GPHN: variants seen among roughly 807,000 people sequenced by gnomAD.
GPHN encodes the protein gephyrin.
Under a neutral mutation model 95.5 loss-of-function variants are expected in GPHN, and 17 were observed. The ratio of observed to expected loss-of-function variants is 0.18; its 90% CI spans 0.12 to 0.27. The LOEUF is 0.27. Ranked by LOEUF, GPHN falls within the 10% of genes least tolerant of loss-of-function variation. The probability of loss-of-function intolerance (pLI) is 1.00; values close to 1 mark genes in which losing one functional copy is unlikely to be tolerated. For missense variants in GPHN, 660 were observed against 978.1 expected (o/e 0.67, Z 4.34); for synonymous variants, 320 against 322.5 (o/e 0.99, Z 0.08).
chr14:66,604,036 C>G (rs1348553512), intron 1 of GPHN, among the ~76,000 whole-genome samples: 1 of 152,070 alleles, frequency 6.6e-6, no homozygotes, highest in Non-Finnish European at 1.5e-5. Flanking sequence ...ATTAGCCTAT[C>G]AGAGTAAGCA....
the GPHN span, among the ~76,000 whole-genome samples, chr14:67,577,648 A>G: frequency 1.3e-5 from 2 of 152,188 alleles, no homozygotes; most frequent in Non-Finnish European, 2.9e-5. Flanking sequence ...CTCTCCCTGG[A>G]GGAGCTCCCC....
intron 4 of GPHN, among the ~76,000 whole-genome samples, chr14:66,866,316 C>T (rs111721013): frequency 0.016 from 2,381 of 151,912 alleles, 33 homozygotes; most frequent in Non-Finnish European, 0.018. Flanking sequence ...CTACCATTAA[C>T]GAATACATAC....
At chr14:67,679,690 C>T in the GPHN span, among the ~76,000 whole-genome samples, 2 of 152,172 alleles carry the variant, frequency 1.3e-5, no homozygotes, top group East Asian at 3.8e-4. Flanking sequence ...AGGCATGAGC[C>T]ACTGCACCCA....
At chr14:66,624,699 T>C (rs899717228) in intron 1 of GPHN, among the ~76,000 whole-genome samples, 27 of 152,188 alleles carry the variant, frequency 1.8e-4, no homozygotes, top group Admixed American at 7.2e-4. Flanking sequence ...GGAGGATTTT[T>C]ACATTTTTTA....
At chr14:67,335,752 G>C in the GPHN span, 1 of 152,636 alleles carries the variant, frequency 6.6e-6, no homozygotes, top group African/African-American at 2.4e-5. Context: ...CTGTTATTTT[G>C]AGATGTCATA....
intron 3 of GPHN, among the ~76,000 whole-genome samples, chr14:66,781,429 C>T (rs1320145258): frequency 6.6e-6 from 1 of 152,064 alleles, no homozygotes; most frequent in Non-Finnish European, 1.5e-5. Flanking sequence ...GTGGGCCAGG[C>T]TGGTCTCGAA....
At chr14:66,529,763 C>T (rs1392487849) in intron 1 of GPHN, among the ~76,000 whole-genome samples, 2 of 152,166 alleles carry the variant, frequency 1.3e-5, no homozygotes, top group Non-Finnish European at 2.9e-5. Flanking sequence ...GAGGTCCACT[C>T]CAGACCCTCT....
At chr14:66,901,101 T>C (rs925994932) in intron 5 of GPHN, among the ~76,000 whole-genome samples, 1 of 152,116 alleles carries the variant, frequency 6.6e-6, no homozygotes, top group Non-Finnish European at 1.5e-5. Context: ...AGTAAAATGA[T>C]ATCTAATTGT....
intron 8 of GPHN, among the ~76,000 whole-genome samples, chr14:66,947,546 A>G (rs746917890): frequency 6.6e-6 from 1 of 152,236 alleles, no homozygotes; most frequent in Non-Finnish European, 1.5e-5. Flanking sequence ...TTTGGTAAAT[A>G]TATCCCATGA....
chr14:67,244,911 T>C, the GPHN span, among the ~76,000 whole-genome samples: 1 of 152,122 alleles, frequency 6.6e-6, no homozygotes, highest in Non-Finnish European at 1.5e-5. Flanking sequence ...GTGGTCCCAG[T>C]GTATCACAGA....
intron 5 of GPHN, among the ~76,000 whole-genome samples, chr14:66,896,291 C>T (rs563207242): frequency 6.6e-6 from 1 of 152,118 alleles, no homozygotes; most frequent in South Asian, 2.1e-4. Context: ...TTCTTGAAAA[C>T]AGCATGTAAT....
chr14:67,639,909 C>T, the GPHN span, among the ~76,000 whole-genome samples: 5 of 125,150 alleles, frequency 4.0e-5, no homozygotes, highest in Non-Finnish European at 7.9e-5. Flanking sequence ...TGCATGATAG[C>T]GCAAGACCCT....
the GPHN span, chr14:67,387,078 T>A: frequency 6.3e-6 from 2 of 319,104 alleles, no homozygotes; most frequent in Non-Finnish European, 1.1e-5. Flanking sequence ...AATGGCTGTT[T>A]GTGATGCTGG....
chr14:66,961,504 A>G (rs867974481), intron 8 of GPHN, among the ~76,000 whole-genome samples: 5 of 151,956 alleles, frequency 3.3e-5, no homozygotes, highest in African/African-American at 9.7e-5. Flanking sequence ...AGATATTCAC[A>G]CTAGATACAA....
the GPHN span, chr14:67,587,288 T>C: frequency 1.3e-6 from 2 of 1,598,942 alleles, no homozygotes; most frequent in South Asian, 2.2e-5. Context: ...GATTTAGAGA[T>C]ATATATCCTA....
chr14:67,470,043 T>A, the GPHN span, among the ~76,000 whole-genome samples: 2 of 152,152 alleles, frequency 1.3e-5, no homozygotes, highest in African/African-American at 4.8e-5. Context: ...TTATGCCACC[T>A]GAGAATTGGG....
chr14:67,635,074 G>A, the GPHN span, among the ~76,000 whole-genome samples: 1 of 151,388 alleles, frequency 6.6e-6, no homozygotes, highest in African/African-American at 2.5e-5. Flanking sequence ...GCGAAATCTT[G>A]TCTCTACAAA....
At chr14:67,563,837 G>C in the GPHN span, among the ~76,000 whole-genome samples, 1 of 148,602 alleles carries the variant, frequency 6.7e-6, no homozygotes, top group Non-Finnish European at 1.5e-5. Flanking sequence ...AGGTTCAAGT[G>C]GTACTCCCAC....
intron 1 of GPHN, among the ~76,000 whole-genome samples, chr14:66,670,737 A>G (rs1427522749): frequency 6.6e-6 from 1 of 152,244 alleles, no homozygotes; most frequent in African/African-American, 2.4e-5. Context: ...GGTTGCAGTG[A>G]GCCGAGATCG....
Sources: allele counts gnomAD v4.1 joint callset (sites outside exome capture counted in the v4.1 genomes callset), GRCh38; gene constraint gnomAD v4.1.1; transcripts MANE v1.5; gene names NCBI Gene and HGNC (gene_info 2026-07-23, HGNC 2026-07-21).